NPAT: variants seen among roughly 807,000 people sequenced by gnomAD.
The protein encoded by NPAT is protein NPAT.
In NPAT, 52 loss-of-function variants were observed where a neutral mutation model predicts 130.7. The observed-to-expected ratio is 0.40, with a 90% CI of 0.32 to 0.50. NPAT has a LOEUF of 0.50. Ranked by LOEUF, NPAT falls within the 20% of genes least tolerant of loss-of-function variation. The pLI is 0.68. For missense variants in NPAT, 1,687 were observed against 1,662.6 expected, an observed-to-expected ratio of 1.01 and a Z score of -0.26; for synonymous variants, 580 against 584.8, an observed-to-expected ratio of 0.99 and a Z score of 0.12.
chr11:108,221,804 C>A (rs1405495462), intron 1 of NPAT, among the ~76,000 whole-genome samples: 6 of 152,132 alleles, frequency 3.9e-5, no homozygotes, highest in Non-Finnish European at 7.4e-5. Flanking sequence ...AGACAATACA[C>A]CCTGACAGAC....
rs2078014440 is a variant in NPAT at position 108,177,064 on chromosome 11, A to T, written c.933T>A (p.Ala311=). 6.2e-7 allele frequency: 1 copy of T among 1,612,168 alleles called. No individual in the cohort carries two copies. Among genetic ancestry groups the T allele is most frequent in the Admixed American group, 1.7e-5 (1 of 59,988 alleles). ...CTGTCTGTTCCAATATGTCCTGTAT[A>T]GCTTCTTCAGACATGTGAATTTCAC... ...LPSEIHMSEE[A]IQDILEQTES... The change falls in exon 11 of 18, where the codon GCT becomes GCA. Residue 311 remains alanine, a synonymous_variant. Transcript: ENST00000278612.
chr11:108,173,041 T>G lies in NPAT; in HGVS notation c.1943A>C (p.Glu648Ala). 6.2e-7 allele frequency: 1 copy of G among 1,614,094 alleles called. No individual in the cohort carries two copies. Among genetic ancestry groups the G allele is most frequent in the South Asian group, 1.1e-5 (1 of 91,084 alleles). ...DSASVELNHTENEAQASKSEN... is the reference protein window; with the variant it reads ...DSASVELNHTANEAQASKSEN... Reference sequence around the variant, plus strand: ...AGACTTGGATGCCTGAGCTTCATTTTCTGTATGATTTAACTCAACAGATGC... The same window carrying G: ...AGACTTGGATGCCTGAGCTTCATTTGCTGTATGATTTAACTCAACAGATGC... The change falls in exon 13 of 18, where the codon GAA becomes GCA. Residue 648 changes from glutamate (E) to alanine (A), a missense_variant. This residue lies in a region of NPAT where 1,379 missense variants were observed against 1,346.6 expected (regional missense o/e 1.02). Coordinates refer to ENST00000278612, the MANE Select transcript of NPAT (RefSeq NM_002519.3).
Position 108,172,788 on chromosome 11 carries a change from T to A in NPAT, c.2196A>T (p.Ile732=), listed in dbSNP as rs1454043355. Residue 732 remains isoleucine (I), a synonymous_variant, in exon 13 of 18, where the codon ATA becomes ATT. Transcript: ENST00000278612. ...DKPSSNNSAE[I]DASNIVSLKV... ...TGAGAGAGACGATATTTGATGCATCTATCTCTGCTGAGTTGTTGCTAGAAG... is the reference window on the plus strand; with the variant it reads ...TGAGAGAGACGATATTTGATGCATCAATCTCTGCTGAGTTGTTGCTAGAAG... 6.2e-7 allele frequency: 1 copy of A among 1,613,108 alleles called. No homozygotes were observed. Among genetic ancestry groups the A allele is most frequent in the Admixed American group, 1.7e-5 (1 of 60,016 alleles).
chr11:108,179,799 T>TAAATA (rs547766733), intron 10 of NPAT, among the ~76,000 whole-genome samples: 3 of 151,312 alleles, frequency 2.0e-5, no homozygotes, highest in Non-Finnish European at 2.9e-5. Flanking sequence ...TAGAAATAAA[T>TAAATA]AAATAAAATA....
chr11:108,158,858 A>C lies in NPAT; in HGVS notation c.*84T>G. On this transcript the variant is annotated 3_prime_UTR_variant, in exon 18 of 18. Transcript: ENST00000278612. ...CAATGAAAGTGCAGGTCATGCTTTCAGATTCTGTCAATATCCCATTCCCTA... is the reference window on the plus strand; with the variant it reads ...CAATGAAAGTGCAGGTCATGCTTTCCGATTCTGTCAATATCCCATTCCCTA... 1.2e-6 allele frequency: 1 copy of C among 808,974 alleles called. No homozygotes were observed. Among genetic ancestry groups the C allele is most frequent in the Non-Finnish European group, 2.1e-6 (1 of 466,976 alleles). The allele number at this position is 808,974 out of a possible 1,614,324, so 50.1% of individuals were successfully genotyped here. A position where few individuals can be genotyped will look rare whatever the true frequency, so the allele number is the denominator to read the frequency against.
rs549886368 is a variant in NPAT at position 108,219,021 on chromosome 11, G to A, written c.37+3479C>T. 2.0e-5 allele frequency among the ~76,000 whole-genome samples: 3 copies of A among 152,286 alleles called. No individual in the cohort carries two copies. In the South Asian group the frequency reaches 6.2e-4, roughly 32 times the overall value. On this transcript the variant is annotated intron_variant, in intron 1 of 17. Coordinates refer to ENST00000278612, the MANE Select transcript of NPAT (RefSeq NM_002519.3). Reference sequence around the variant, plus strand: ...AGAACCAGCAGCTCTTGACCTGTTAGGGGTGTGTCAGTTTTGGTCCTGTTT... The same window carrying A: ...AGAACCAGCAGCTCTTGACCTGTTAAGGGTGTGTCAGTTTTGGTCCTGTTT...
rs887920633 is a variant in NPAT, at chr11:108,193,897, T to C, written c.217+60A>G. 4.9e-6 allele frequency: 5 copies of C among 1,016,030 alleles called. No homozygotes were observed. The African/African-American group carries it at 8.0e-5, about 16-fold the overall frequency. The allele number at this position is 1,016,030 out of a possible 1,614,324, so 62.9% of individuals were successfully genotyped here. Reference sequence around the variant, plus strand: ...ATAACCTTTAGAAATCATTTTTAACTAAATCAAGTAGATAAATATTGTATA... The same window carrying C: ...ATAACCTTTAGAAATCATTTTTAACCAAATCAAGTAGATAAATATTGTATA... On this transcript the variant is annotated intron_variant, in intron 3 of 17. Transcript: ENST00000278612.
chr11:108,161,888 G>C lies in NPAT; in HGVS notation c.3198C>G (p.Phe1066Leu), dbSNP rs367641429. 8.7e-6 allele frequency: 14 copies of C among 1,613,844 alleles called. No individual in the cohort carries two copies. The African/African-American group carries it at 1.2e-4, about 14-fold the overall frequency. Residue 1066 changes from phenylalanine (F) to leucine (L), a missense_variant, in exon 17 of 18, where the codon TTC becomes TTG. Physicochemically the swap from Phe to Leu is conservative, Grantham distance 22. Transcript: ENST00000278612. ...AKPCHRRVLC[F>L]DSTTAPVANT... ...TTGCCACAGGAGCAGTAGTGCTGTC[G>C]AAACAGAGTACACGTCTGTGGCATG... is the stretch of plus-strand genomic sequence containing the variant.
intron 1 of NPAT, among the ~76,000 whole-genome samples, chr11:108,214,401 T>C (rs997021653): frequency 6.6e-6 from 1 of 152,170 alleles, no homozygotes; most frequent in Admixed American, 6.5e-5. Flanking sequence ...GCAAGGCACA[T>C]GTATAGATAC....
intron 1 of NPAT, among the ~76,000 whole-genome samples, chr11:108,212,496 G>A (rs1035770064): frequency 2.1e-4 from 32 of 150,682 alleles, no homozygotes; most frequent in African/African-American, 7.8e-4. Context: ...CTGCACTCTA[G>A]CCTGGGCAAC....
Position 108,173,101 on chromosome 11 carries a change from G to C in NPAT, c.1883C>G (p.Ser628Trp). ...SGQVEIHLGDSLSSTKQPSND... is the reference protein window; with the variant it reads ...SGQVEIHLGDWLSSTKQPSND... ...AGATGGTTGTTTAGTAGAAGACAGCGAATCTCCAAGATGAATTTCTACTTG... is the reference window on the plus strand; with the variant it reads ...AGATGGTTGTTTAGTAGAAGACAGCCAATCTCCAAGATGAATTTCTACTTG... The change falls in exon 13 of 18, where the codon TCG becomes TGG. Residue 628 changes from serine (S) to tryptophan (W), a missense_variant. Transcript: ENST00000278612. 1.2e-6 allele frequency: 2 copies of C among 1,613,998 alleles called. No homozygotes were observed. The highest frequency in any genetic ancestry group is 1.7e-6 in the Non-Finnish European group (2 of 1,179,974).
At chr11:108,221,357 T>C (rs1359559537) in intron 1 of NPAT, among the ~76,000 whole-genome samples, 1 of 152,204 alleles carries the variant, frequency 6.6e-6, no homozygotes, top group African/African-American at 2.4e-5. Flanking sequence ...AGACTATAGT[T>C]ACCGAAACTC....
chr11:108,212,829 C>T (rs1591419452), intron 1 of NPAT, among the ~76,000 whole-genome samples: 2 of 150,858 alleles, frequency 1.3e-5, no homozygotes, highest in East Asian at 4.0e-4. Flanking sequence ...CACCTTAATC[C>T]CAGCTGCTAG....
intron 1 of NPAT, among the ~76,000 whole-genome samples, chr11:108,204,761 G>A (rs1171869809): frequency 6.6e-6 from 1 of 152,218 alleles, no homozygotes; most frequent in African/African-American, 2.4e-5. Flanking sequence ...CCTATCATTC[G>A]CTGCCTTGTG....
intron 1 of NPAT, among the ~76,000 whole-genome samples, chr11:108,210,818 T>C (rs1310257900): frequency 6.6e-6 from 1 of 152,242 alleles, no homozygotes; most frequent in Non-Finnish European, 1.5e-5. Flanking sequence ...CAAACTCTTT[T>C]TGAAATAGTA....
intron 1 of NPAT, among the ~76,000 whole-genome samples, chr11:108,215,760 G>C (rs754796861): frequency 6.6e-6 from 1 of 152,188 alleles, no homozygotes; most frequent in Non-Finnish European, 1.5e-5. Flanking sequence ...ACTTGTTGAT[G>C]AATCTGTTTT....
intron 15 of NPAT, among the ~76,000 whole-genome samples, chr11:108,165,518 G>A (rs1351611039): frequency 6.7e-6 from 1 of 148,376 alleles, no homozygotes; most frequent in Non-Finnish European, 1.5e-5. Flanking sequence ...AGGCTGGAGT[G>A]TAGTGGCATG....
Position 108,161,553 on chromosome 11 carries a change from T to C in NPAT, c.3533A>G (p.Gln1178Arg). The C allele has an allele frequency of 6.2e-7, 1 of 1,614,240 alleles. No individual in the cohort carries two copies. Among genetic ancestry groups the C allele is most frequent in the Non-Finnish European group, 8.5e-7 (1 of 1,180,028 alleles). The change falls in exon 17 of 18, where the codon CAG becomes CGG. Residue 1178 changes from glutamine to arginine, a missense_variant. Transcript: ENST00000278612. ...ENELCSDVER[Q>R]KNPENSKLSI... is the part of the protein sequence containing the mutation. ...TAGTTTTGAATTTTCTGGATTTTTCTGTCTTTCTACATCGCTGCATAATTC... is the reference window on the plus strand; with the variant it reads ...TAGTTTTGAATTTTCTGGATTTTTCCGTCTTTCTACATCGCTGCATAATTC...
chr11:108,178,841 G>A (rs190481819), intron 10 of NPAT, among the ~76,000 whole-genome samples: 2 of 152,184 alleles, frequency 1.3e-5, no homozygotes, highest in Admixed American at 1.3e-4. Flanking sequence ...CTGGGCAACT[G>A]TGAGTTGAGT....
Sources: allele counts gnomAD v4.1 joint callset (sites outside exome capture counted in the v4.1 genomes callset), GRCh38; gene constraint gnomAD v4.1.1; regional missense constraint gnomAD v4.1.1; transcripts MANE v1.5; gene names NCBI Gene and HGNC (gene_info 2026-07-23, HGNC 2026-07-21).